The following CNTLN variants were observed in gnomAD, a reference collection of about 807,000 sequenced individuals.
CNTLN encodes the protein centlein.
A neutral mutation model predicts 180.0 loss-of-function variants in CNTLN; 212 were observed. The observed-to-expected ratio is 1.18, with a 90% CI of 1.05 to 1.32. The LOEUF is 1.32. Among genes scored for constraint, CNTLN ranks in the 40% most tolerant of loss-of-function variants. The pLI is 0.00. For synonymous variants in CNTLN, 722 were observed against 563.1 expected (o/e 1.28, Z -3.99); for missense variants, 2,095 against 1,610.9 (o/e 1.30, Z -5.14).
At chr9:17,168,827 G>T (rs1335798584) in intron 2 of CNTLN, among the ~76,000 whole-genome samples, 1 of 152,016 alleles carries the variant, frequency 6.6e-6, no homozygotes, top group African/African-American at 2.4e-5. Flanking sequence ...ATAAGAGTGG[G>T]TTATAGTAGA....
intron 5 of CNTLN, among the ~76,000 whole-genome samples, chr9:17,253,446 G>A (rs750769405): frequency 6.6e-6 from 1 of 151,428 alleles, no homozygotes; most frequent in Non-Finnish European, 1.5e-5. Context: ...TTTCATCAGT[G>A]TTTTGTTTGT....
In CNTLN at chr9:17,464,069, C is replaced by T. The variant is rs548821840; in HGVS notation, c.3405-428C>T. Among the ~76,000 whole-genome samples the T allele has an allele frequency of 2.6e-5, 4 of 151,356 alleles. No individual in the cohort carries two copies. The South Asian group carries it at 8.3e-4, about 31-fold the overall frequency. ...TATATTAAATTAGAAGATATTATGG[C>T]TAATTTAGTTTCATTACAAGAGTTT... is the stretch of plus-strand genomic sequence containing the variant. On this transcript the variant is annotated intron_variant, in intron 20 of 25. Transcript: ENST00000380647.
intron 8 of CNTLN, among the ~76,000 whole-genome samples, chr9:17,322,628 A>G (rs926156556): frequency 2.6e-5 from 4 of 151,782 alleles, no homozygotes; most frequent in Non-Finnish European, 4.4e-5. Context: ...TTTTTTTCCT[A>G]CTATTATTCA....
At chr9:17,213,991 G>T (rs910295479) in intron 2 of CNTLN, among the ~76,000 whole-genome samples, 2 of 152,044 alleles carry the variant, frequency 1.3e-5, no homozygotes, top group Non-Finnish European at 2.9e-5. Flanking sequence ...ACACTGATGG[G>T]TCTTGACTCT....
At position 17,462,994 on chromosome 9, in the gene CNTLN, A is replaced by G. The variant is rs150204922; in HGVS notation, c.3385A>G (p.Ile1129Val). 234 of 1,583,220 alleles carry G rather than the reference A, an allele frequency of 1.5e-4. No homozygotes were observed. In the African/African-American group the frequency reaches 2.8e-3, roughly 19 times the overall value. Reference sequence around the variant, plus strand: ...TGAACTCCTAGCAAAAGAAGAACACATAAAGGAAATGCATGAAAAGTATGG... The same window carrying G: ...TGAACTCCTAGCAAAAGAAGAACACGTAAAGGAAATGCATGAAAAGTATGG... ...KFELLAKEEH[I>V]KEMHEKISRM... The change falls in exon 20 of 26, where the codon ATA becomes GTA. Residue 1129 changes from isoleucine to valine, a missense_variant. By Grantham distance (29) the Ile-to-Val change is conservative (BLOSUM62 3). Transcript: ENST00000380647.
chr9:17,417,575 A>G (rs1185154401), intron 18 of CNTLN, among the ~76,000 whole-genome samples: 1 of 152,080 alleles, frequency 6.6e-6, no homozygotes, highest in African/African-American at 2.4e-5. Flanking sequence ...GTAAATTCTG[A>G]TATTGTCAGA....
chr9:17,372,978 C>T (rs2133504000), intron 13 of CNTLN, among the ~76,000 whole-genome samples: 1 of 152,246 alleles, frequency 6.6e-6, no homozygotes, highest in South Asian at 2.1e-4. Context: ...AACAAACATA[C>T]ATCAGGATAA....
rs188304181 is a variant in CNTLN at position 17,345,732 on chromosome 9, T to A, written c.1886+3288T>A. Among the ~76,000 whole-genome samples the A allele has an allele frequency of 6.5e-3, 992 of 152,190 alleles. 6 individuals carry two copies. The highest frequency in any genetic ancestry group is 0.02 in the Middle Eastern group (6 of 294). ...ACATTGAGAACCTCATCACAAGATG[T>A]GATAGGTTTTGCTTCAACTGTCAAA... On this transcript the variant is annotated intron_variant, in intron 12 of 25. Transcript: ENST00000380647.
chr9:17,261,023 A>G (rs943934937), intron 5 of CNTLN, among the ~76,000 whole-genome samples: 1 of 151,016 alleles, frequency 6.6e-6, no homozygotes, highest in African/African-American at 2.5e-5. Context: ...ATTCTGTTCC[A>G]TTGGTCTCTG....
chr9:17,193,341 C>T (rs1321029004), intron 2 of CNTLN, among the ~76,000 whole-genome samples: 1 of 152,162 alleles, frequency 6.6e-6, no homozygotes, highest in Non-Finnish European at 1.5e-5. Context: ...AAATCCCTTC[C>T]ACCTATGAGC....
rs190142635 is a variant in CNTLN at position 17,196,845 on chromosome 9, C to T, written c.450-29358C>T. Among the ~76,000 whole-genome samples the T allele has an allele frequency of 6.8e-4, 103 of 152,122 alleles. No homozygotes were observed. In the Middle Eastern group the frequency reaches 0.01, roughly 15 times the overall value. On this transcript the variant is annotated intron_variant, in intron 2 of 25. Coordinates refer to ENST00000380647, the MANE Select transcript of CNTLN (RefSeq NM_017738.4). The stretch of plus-strand genomic sequence containing the variant: ...GTGTACATTACCTCAAGCATTTATA[C>T]TTTGTGTTACAAACAATCCCATTAT...
chr9:17,237,932 A>G (rs374449300), intron 5 of CNTLN, among the ~76,000 whole-genome samples: 13 of 152,122 alleles, frequency 8.5e-5, no homozygotes, highest in African/African-American at 2.7e-4. Flanking sequence ...TAATTTTTAT[A>G]TCAGTTTCTG....
At chr9:17,200,813 T>C (rs1822470652) in intron 2 of CNTLN, among the ~76,000 whole-genome samples, 1 of 152,226 alleles carries the variant, frequency 6.6e-6, no homozygotes, top group Non-Finnish European at 1.5e-5. Flanking sequence ...CCTATGTGAA[T>C]ACCCTTTATT....
chr9:17,226,265 C>A lies in CNTLN; in HGVS notation c.512C>A (p.Ala171Asp). 1.9e-6 allele frequency: 3 copies of A among 1,569,402 alleles called. No individual in the cohort carries two copies. Among genetic ancestry groups the A allele is most frequent in the South Asian group, 2.4e-5 (2 of 82,544 alleles). The part of the protein sequence containing the change: ...KVLEILQVKD[A>D]KIQEFEQRES... ...CTAGAAATTCTGCAAGTCAAGGATGCCAAAATACAAGAATTTGAACAGGTT... is the reference window on the plus strand; with the variant it reads ...CTAGAAATTCTGCAAGTCAAGGATGACAAAATACAAGAATTTGAACAGGTT... Residue 171 changes from alanine (A) to aspartate (D), a missense_variant, in exon 3 of 26, where the codon GCC becomes GAC. Physicochemically the swap from Ala to Asp is moderately radical, Grantham distance 126. Coordinates refer to ENST00000380647, the MANE Select transcript of CNTLN (RefSeq NM_017738.4).
At chr9:17,355,569 T>TTA in intron 12 of CNTLN, among the ~76,000 whole-genome samples, 1 of 152,326 alleles carries the variant, frequency 6.6e-6, no homozygotes, top group South Asian at 2.1e-4. Flanking sequence ...GTTTTAACTC[T>TTA]TATATTTAGG....
At chr9:17,390,208 A>ATTG (rs1370799007) in intron 14 of CNTLN, among the ~76,000 whole-genome samples, 1 of 137,548 alleles carries the variant, frequency 7.3e-6, no homozygotes, top group Non-Finnish European at 1.6e-5. Flanking sequence ...AATATCAGGC[A>ATTG]TTGTATTTCA....
chr9:17,221,205 G>A (rs1824113088), intron 2 of CNTLN, among the ~76,000 whole-genome samples: 1 of 151,982 alleles, frequency 6.6e-6, no homozygotes, highest in African/African-American at 2.4e-5. Context: ...AAACATTCAA[G>A]TGGTAATTTG....
chr9:17,490,585 TA>T (rs1366996757), intron 25 of CNTLN, among the ~76,000 whole-genome samples: 3 of 151,992 alleles, frequency 2.0e-5, no homozygotes, highest in Non-Finnish European at 4.4e-5. Context: ...GCTGGGGGGA[TA>T]TAGAGAGTGA....
chr9:17,468,796 G>A (rs1831897630), intron 23 of CNTLN, among the ~76,000 whole-genome samples: 1 of 151,598 alleles, frequency 6.6e-6, no homozygotes, highest in Non-Finnish European at 1.5e-5. Flanking sequence ...TATATCCAAT[G>A]ATATAAATAG....
Sources: gnomAD v4.1 joint callset for allele counts (sites outside exome capture counted in the v4.1 genomes callset) on GRCh38, gnomAD v4.1.1 for gene constraint, MANE v1.5 for transcripts, NCBI Gene and HGNC (gene_info 2026-07-23, HGNC 2026-07-21) for gene names.